The following XKR6 variants were observed in gnomAD, a reference collection of about 807,000 sequenced individuals.
The protein encoded by XKR6 is XK related 6, also known as XK-related protein 6.
XKR6 carries 22 observed loss-of-function variants against 56.7 expected under a neutral mutation model. The observed-to-expected ratio is 0.39, with a 90% CI of 0.28 to 0.55. The LOEUF (loss-of-function observed/expected upper bound fraction) is 0.55. Among genes scored for constraint, XKR6 ranks in the 20% least tolerant of loss-of-function variants. XKR6 has a pLI of 0.66. For synonymous variants in XKR6, 524 were observed against 387.8 expected (o/e 1.35, Z -4.13); for missense variants, 852 against 889.0 (o/e 0.96, Z 0.53).
At chr8:10,932,041 G>C (rs997440538) in intron 1 of XKR6, among the ~76,000 whole-genome samples, 3 of 152,260 alleles carry the variant, frequency 2.0e-5, no homozygotes, top group African/African-American at 2.4e-5. Flanking sequence ...GATTTGAACA[G>C]ATATTTTACC....
chr8:10,923,096 ATCCCCATACCCC>A (rs1800769274), intron 2 of XKR6, among the ~76,000 whole-genome samples: 1 of 152,200 alleles, frequency 6.6e-6, no homozygotes, highest in South Asian at 2.1e-4. Context: ...CCTGCTGAAG[ATCCCCATACCCC>A]TCCTGCTTCT....
intron 1 of XKR6, among the ~76,000 whole-genome samples, chr8:11,110,966 A>C (rs1426067748): frequency 6.7e-6 from 1 of 148,422 alleles, no homozygotes; most frequent in Admixed American, 6.8e-5. Flanking sequence ...CCTCCCGAGT[A>C]GCTGGGACTA....
At chr8:10,991,905 T>C in intron 1 of XKR6, among the ~76,000 whole-genome samples, 1 of 152,200 alleles carries the variant, frequency 6.6e-6, no homozygotes, top group Non-Finnish European at 1.5e-5. Context: ...AAGCCTACTA[T>C]AAAAACAAAA....
chr8:10,971,525 C>G (rs533107725), intron 1 of XKR6, among the ~76,000 whole-genome samples: 3 of 152,032 alleles, frequency 2.0e-5, no homozygotes, highest in Non-Finnish European at 4.4e-5. Flanking sequence ...GATCAATATT[C>G]CAGAGGGATC....
intron 1 of XKR6, among the ~76,000 whole-genome samples, chr8:10,975,859 C>T: frequency 6.6e-6 from 1 of 152,158 alleles, no homozygotes; most frequent in South Asian, 2.1e-4. Flanking sequence ...AATCTCCAAG[C>T]CTCCCTCATG....
intron 1 of XKR6, among the ~76,000 whole-genome samples, chr8:11,056,229 A>G (rs1799682075): frequency 6.6e-6 from 1 of 152,324 alleles, no homozygotes; most frequent in South Asian, 2.1e-4. Context: ...GAGCCTGATT[A>G]CTATTCCCAG....
intron 1 of XKR6, among the ~76,000 whole-genome samples, chr8:11,077,562 C>T (rs1383265483): frequency 3.9e-5 from 6 of 152,192 alleles, no homozygotes; most frequent in Non-Finnish European, 8.8e-5. Flanking sequence ...TCACTGTGCA[C>T]CAGACTGGGT....
intron 1 of XKR6, among the ~76,000 whole-genome samples, chr8:11,120,985 T>A (rs1427810696): frequency 6.6e-6 from 1 of 152,284 alleles, no homozygotes; most frequent in Non-Finnish European, 1.5e-5. Flanking sequence ...GCTAGCCATA[T>A]GGAGAAAGCT....
At chr8:11,037,765 G>A (rs1266602904) in intron 1 of XKR6, among the ~76,000 whole-genome samples, 3 of 151,988 alleles carry the variant, frequency 2.0e-5, no homozygotes, top group African/African-American at 7.3e-5. Flanking sequence ...GGCTAAGGCA[G>A]GAGATTCGTT....
intron 2 of XKR6, among the ~76,000 whole-genome samples, chr8:10,902,597 C>G (rs1026337414): frequency 3.3e-5 from 5 of 152,350 alleles, no homozygotes; most frequent in African/African-American, 1.2e-4. Context: ...TCAGCCTTCT[C>G]CAATGGTGGG....
intron 1 of XKR6, among the ~76,000 whole-genome samples, chr8:10,927,143 G>T (rs1800911765): frequency 6.6e-6 from 1 of 152,198 alleles, no homozygotes; most frequent in Non-Finnish European, 1.5e-5. Context: ...GGGAGGGGCT[G>T]AGGGTGAGCC....
At chr8:11,142,619 C>G (rs1188504277) in intron 1 of XKR6, among the ~76,000 whole-genome samples, 2 of 152,164 alleles carry the variant, frequency 1.3e-5, no homozygotes, top group Non-Finnish European at 2.9e-5. Flanking sequence ...TGCTCCAGCT[C>G]TTGCCATGTG....
chr8:10,953,709 A>G (rs1801796260), intron 1 of XKR6, among the ~76,000 whole-genome samples: 2 of 152,184 alleles, frequency 1.3e-5, no homozygotes, highest in Admixed American at 1.3e-4. Flanking sequence ...TGTATAATTC[A>G]CCGGTTTCAG....
At chr8:11,111,008 ATTTTTTT>A (rs58233543) in intron 1 of XKR6, among the ~76,000 whole-genome samples, 108 of 114,198 alleles carry the variant, frequency 9.5e-4, no homozygotes, top group Admixed American at 3.7e-3. Flanking sequence ...GGCTTTTTCT[ATTTTTTT>A]TTTTTTTTTT....
intron 1 of XKR6, among the ~76,000 whole-genome samples, chr8:11,133,865 A>T (rs1204795923): frequency 6.6e-6 from 1 of 152,146 alleles, no homozygotes; most frequent in Non-Finnish European, 1.5e-5. Context: ...GTCGGCTCCT[A>T]CTAAAACCCA....
intron 1 of XKR6, among the ~76,000 whole-genome samples, chr8:11,056,925 A>G (rs1799699473): frequency 6.6e-6 from 1 of 152,124 alleles, no homozygotes; most frequent in South Asian, 2.1e-4. Flanking sequence ...CACTTCTCCC[A>G]GTCCAGGCTA....
chr8:11,009,400 A>G (rs1366701302), intron 1 of XKR6, among the ~76,000 whole-genome samples: 1 of 152,136 alleles, frequency 6.6e-6, no homozygotes, highest in Non-Finnish European at 1.5e-5. Context: ...AGTCCCAGCT[A>G]CTTGGGAGGC....
chr8:11,038,321 T>C (rs540085660), intron 1 of XKR6, among the ~76,000 whole-genome samples: 5 of 152,316 alleles, frequency 3.3e-5, no homozygotes, highest in East Asian at 1.9e-4. Flanking sequence ...CCCGCTCATT[T>C]TATAGTTAAG....
rs866179868 is a variant in XKR6 at position 11,120,583 on chromosome 8, A to G, written c.764+79993T>C. Among the ~76,000 whole-genome samples the G allele has an allele frequency of 3.3e-5, 5 of 152,272 alleles. No individual in the cohort carries two copies. The South Asian group carries it at 1.0e-3, about 32-fold the overall frequency. On this transcript the variant is annotated intron_variant, in intron 1 of 2. Transcript: ENST00000416569. ...CATTCCATGCTCATGGGTAGGAAGA[A>G]TCAATATCGTGAAAATGGCCATACT...
Sources: allele counts gnomAD v4.1 joint callset (sites outside exome capture counted in the v4.1 genomes callset), GRCh38; gene constraint gnomAD v4.1.1; transcripts MANE v1.5; gene names NCBI Gene and HGNC (gene_info 2026-07-23, HGNC 2026-07-21).